The following ULK4 variants were observed in gnomAD, a reference collection of about 807,000 sequenced individuals.
ULK4 encodes the protein inactive serine/threonine-protein kinase ULK4.
A neutral mutation model predicts 160.6 loss-of-function variants in ULK4; 133 were observed. The ratio of observed to expected loss-of-function variants is 0.83; its 90% CI spans 0.72 to 0.96. The LOEUF (loss-of-function observed/expected upper bound fraction) is 0.96. ULK4 is among the 40% of genes least tolerant of loss of function. The pLI, the probability that ULK4 is intolerant of heterozygous loss-of-function variation, is 0.00. For synonymous variants in ULK4, 534 were observed against 539.8 expected (o/e 0.99, Z 0.15); for missense variants, 1,580 against 1,499.5 (o/e 1.05, Z -0.89).
At chr3:41,405,896 T>C (rs2082284514) in intron 34 of ULK4, among the ~76,000 whole-genome samples, 1 of 152,194 alleles carries the variant, frequency 6.6e-6, no homozygotes, top group Admixed American at 6.5e-5. Context: ...CTTCATCAGA[T>C]ACAAAGCATG....
At chr3:41,813,899 C>T (rs750975913) in intron 19 of ULK4, among the ~76,000 whole-genome samples, 2 of 152,170 alleles carry the variant, frequency 1.3e-5, no homozygotes, top group South Asian at 2.1e-4. Flanking sequence ...TTTCTGAATG[C>T]CATTATTAGT....
intron 35 of ULK4, among the ~76,000 whole-genome samples, chr3:41,361,715 G>T (rs535031964): frequency 6.6e-6 from 1 of 151,948 alleles, no homozygotes; most frequent in Non-Finnish European, 1.5e-5. Context: ...GCACATTTTT[G>T]CATGAGTATG....
At chr3:41,956,890 T>A (rs1700502383) in intron 1 of ULK4, among the ~76,000 whole-genome samples, 1 of 152,262 alleles carries the variant, frequency 6.6e-6, no homozygotes, top group Admixed American at 6.5e-5. Flanking sequence ...CTAAAATATT[T>A]ACTATTTGTC....
intron 32 of ULK4, among the ~76,000 whole-genome samples, chr3:41,477,294 T>C (rs928235360): frequency 1.4e-4 from 21 of 152,234 alleles, no homozygotes; most frequent in African/African-American, 4.6e-4. Context: ...ACTCCAATCA[T>C]TGTGTTCTTG....
chr3:41,258,981 TAC>T (rs1332702396), intron 35 of ULK4, among the ~76,000 whole-genome samples: 8 of 149,846 alleles, frequency 5.3e-5, no homozygotes, highest in Admixed American at 2.0e-4. Context: ...TGTATATATA[TAC>T]AGATATACAT....
At chr3:41,584,040 C>T (rs2125634173) in intron 31 of ULK4, among the ~76,000 whole-genome samples, 1 of 152,200 alleles carries the variant, frequency 6.6e-6, no homozygotes, top group East Asian at 1.9e-4. Flanking sequence ...TCACAATTCA[C>T]TAATTAAGTG....
chr3:41,901,610 C>G (rs915881555), intron 12 of ULK4, among the ~76,000 whole-genome samples: 1 of 150,870 alleles, frequency 6.6e-6, no homozygotes, highest in Non-Finnish European at 1.5e-5. Flanking sequence ...CCTCCCAAGT[C>G]GTGGAATTAC....
chr3:41,935,109 G>A (rs572349561), intron 4 of ULK4, among the ~76,000 whole-genome samples: 97 of 136,986 alleles, frequency 7.1e-4, no homozygotes, highest in African/African-American at 2.4e-3. Flanking sequence ...TCTGCCTCCC[G>A]GATTCAAGCA....
chr3:41,482,787 C>T (rs1356913134), intron 32 of ULK4, among the ~76,000 whole-genome samples: 1 of 152,116 alleles, frequency 6.6e-6, no homozygotes, highest in East Asian at 1.9e-4. Flanking sequence ...CAGACAAGTA[C>T]TTTCAATTCC....
intron 34 of ULK4, among the ~76,000 whole-genome samples, chr3:41,438,493 T>C: frequency 6.6e-6 from 1 of 152,054 alleles, no homozygotes; most frequent in East Asian, 1.9e-4. Context: ...CTTTAAAAAA[T>C]ACAGATAGTT....
chr3:41,769,802 C>T (rs114766696), intron 21 of ULK4, among the ~76,000 whole-genome samples: 290 of 152,184 alleles, frequency 1.9e-3, no homozygotes, highest in Admixed American at 3.9e-3. Flanking sequence ...TAGATGGTAA[C>T]GAGGTAGAGA....
chr3:41,534,214 G>A (rs760229771), intron 32 of ULK4, among the ~76,000 whole-genome samples: 1 of 152,176 alleles, frequency 6.6e-6, no homozygotes, highest in Non-Finnish European at 1.5e-5. Flanking sequence ...AATAAGAAAT[G>A]AGTAGTTTGA....
At chr3:41,375,458 G>A (rs2081468162) in intron 35 of ULK4, among the ~76,000 whole-genome samples, 1 of 149,880 alleles carries the variant, frequency 6.7e-6, no homozygotes, top group South Asian at 2.2e-4. Context: ...CAGAACAGAG[G>A]CCGCAGAAAT....
At chr3:41,856,562 C>CAA (rs1350348033) in intron 17 of ULK4, among the ~76,000 whole-genome samples, 2 of 32,540 alleles carry the variant, frequency 6.1e-5, no homozygotes, top group Non-Finnish European at 1.0e-4. Flanking sequence ...TATATATATA[C>CAA]ACATATATAT....
chr3:41,703,626 AAAAG>A (rs925351793), intron 27 of ULK4, among the ~76,000 whole-genome samples: 1 of 152,172 alleles, frequency 6.6e-6, no homozygotes, highest in African/African-American at 2.4e-5. Flanking sequence ...GACCCAAAGA[AAAAG>A]AAAGGAAATA....
chr3:41,670,781 G>T (rs1263428929), intron 29 of ULK4, among the ~76,000 whole-genome samples: 1 of 151,934 alleles, frequency 6.6e-6, no homozygotes, highest in Non-Finnish European at 1.5e-5. Context: ...ATAGATAAAA[G>T]AAATGACTTC....
intron 17 of ULK4, among the ~76,000 whole-genome samples, chr3:41,845,881 T>G (rs1384154512): frequency 6.6e-6 from 1 of 152,236 alleles, no homozygotes; most frequent in Non-Finnish European, 1.5e-5. Context: ...AACCTCATAT[T>G]AAATTCAAAA....
In ULK4 at chr3:41,601,875, T is replaced by C. The variant is rs139505786; in HGVS notation, c.3120+13794A>G. 7.8e-3 allele frequency among the ~76,000 whole-genome samples: 1,184 copies of C among 152,146 alleles called. 10 individuals carry two copies. Among genetic ancestry groups the C allele is most frequent in the Non-Finnish European group, 0.01 (684 of 67,986 alleles). ...GTGGTGTTCTGGATGGGTCTTGGAATACAAAACAAAATACTATAGAAAATT... is the reference window on the plus strand; with the variant it reads ...GTGGTGTTCTGGATGGGTCTTGGAACACAAAACAAAATACTATAGAAAATT... On this transcript the variant is annotated intron_variant, in intron 31 of 36. Coordinates refer to ENST00000301831, the MANE Select transcript of ULK4 (RefSeq NM_017886.4).
In ULK4 at chr3:41,794,686, ACACAG is replaced by A. The variant is rs1429593361; in HGVS notation, c.2011-4848_2011-4844del. Among the ~76,000 whole-genome samples, 506 of 111,698 alleles carry A rather than the reference ACACAG, an allele frequency of 4.5e-3. 9 individuals are homozygous for A. The highest frequency in any genetic ancestry group is 0.015 in the Middle Eastern group (3 of 202). The allele number at this position is 111,698 out of a possible 152,430, so 73.3% of individuals were successfully genotyped here. A position where few individuals can be genotyped will look rare whatever the true frequency, so the allele number is the denominator to read the frequency against. ...AAAAAAAAAAAAAAAAAAAAAAAAA[ACACAG>A]AAAAAAAAACCACAAACCTGTGTAT... is the stretch of plus-strand genomic sequence containing the variant. On this transcript the variant is annotated intron_variant, in intron 20 of 36. Transcript: ENST00000301831.
Sources: gnomAD v4.1 joint callset for allele counts (sites outside exome capture counted in the v4.1 genomes callset) on GRCh38, gnomAD v4.1.1 for gene constraint, MANE v1.5 for transcripts, NCBI Gene and HGNC (gene_info 2026-07-23, HGNC 2026-07-21) for gene names.